The following PLCL1 variants were observed in gnomAD, a reference collection of about 807,000 sequenced individuals.
The protein encoded by PLCL1 is phospholipase C like 1 (inactive).
PLCL1 carries 41 observed loss-of-function variants against 84.4 expected under a neutral mutation model. The ratio of observed to expected loss-of-function variants is 0.49; its 90% CI spans 0.38 to 0.63. The LOEUF is 0.63. PLCL1 is among the 30% of genes least tolerant of loss of function. The pLI, the probability that PLCL1 is intolerant of heterozygous loss-of-function variation, is 0.00. For missense variants in PLCL1, 1,206 were observed against 1,367.8 expected, an observed-to-expected ratio of 0.88 and a Z score of 1.87; for synonymous variants, 490 against 488.3, an observed-to-expected ratio of 1.00 and a Z score of -0.05.
intron 1 of PLCL1, among the ~76,000 whole-genome samples, chr2:197,933,524 A>G (rs1688990862): frequency 6.6e-6 from 1 of 152,172 alleles, no homozygotes. Context: ...TAGAAAGGAA[A>G]TAACAAGATT....
At chr2:197,910,687 C>T (rs1469455156) in intron 1 of PLCL1, among the ~76,000 whole-genome samples, 2 of 152,298 alleles carry the variant, frequency 1.3e-5, no homozygotes, top group South Asian at 4.1e-4. Context: ...CCGAAAATAT[C>T]CCCTTTCCCC....
chr2:197,995,412 T>C (rs76244570), intron 1 of PLCL1, among the ~76,000 whole-genome samples: 5,250 of 152,168 alleles, frequency 0.035, 303 homozygotes, highest in African/African-American at 0.12. Context: ...AGGAGCTTGC[T>C]ATCGCCATCC....
At chr2:197,815,563 T>C (rs1448733351) in intron 1 of PLCL1, among the ~76,000 whole-genome samples, 1 of 152,174 alleles carries the variant, frequency 6.6e-6, no homozygotes, top group Non-Finnish European at 1.5e-5. Context: ...ATACATTTCA[T>C]AAGGCTATAG....
intron 5 of PLCL1, among the ~76,000 whole-genome samples, chr2:198,116,098 GA>G (rs1360081284): frequency 1.3e-5 from 2 of 150,548 alleles, no homozygotes; most frequent in Non-Finnish European, 3.0e-5. Flanking sequence ...AAAATCTAAA[GA>G]ATAATTTAGG....
At chr2:198,002,386 T>C (rs910438272) in intron 1 of PLCL1, among the ~76,000 whole-genome samples, 2 of 152,214 alleles carry the variant, frequency 1.3e-5, no homozygotes, top group African/African-American at 2.4e-5. Context: ...TACAAAGGTT[T>C]GATTTTAATA....
In PLCL1 at chr2:198,083,854, A is replaced by C; in HGVS notation, c.337A>C (p.Ser113Arg). ...AATTAGCAGTGCAAATGACTGCATC[A>C]GCTTCATGCAAGCTGGCTGTGAGTT... ...KKISSANDCI[S>R]FMQAGCELKK... The change falls in exon 2 of 6, where the codon AGC becomes CGC. Residue 113 changes from serine (S) to arginine (R), a missense_variant. By Grantham distance (110) the Ser-to-Arg change is moderately radical. Coordinates refer to ENST00000428675, the MANE Select transcript of PLCL1 (RefSeq NM_006226.4). 1 of 1,614,142 alleles carries C rather than the reference A, an allele frequency of 6.2e-7. No homozygotes were observed. The highest frequency in any genetic ancestry group is 8.5e-7 in the Non-Finnish European group (1 of 1,179,956).
At chr2:198,069,810 A>G (rs781255901) in intron 1 of PLCL1, among the ~76,000 whole-genome samples, 1 of 152,230 alleles carries the variant, frequency 6.6e-6, no homozygotes, top group African/African-American at 2.4e-5. Flanking sequence ...TGTTAAATGT[A>G]GAGTTAAGTA....
intron 1 of PLCL1, among the ~76,000 whole-genome samples, chr2:197,870,878 C>T (rs568397320): frequency 6.6e-6 from 1 of 152,152 alleles, no homozygotes; most frequent in Non-Finnish European, 1.5e-5. Flanking sequence ...AGAGACCAGG[C>T]TGCCCCTATT....
chr2:197,824,136 G>C (rs1690877943), intron 1 of PLCL1, among the ~76,000 whole-genome samples: 1 of 151,928 alleles, frequency 6.6e-6, no homozygotes, highest in Non-Finnish European at 1.5e-5. Flanking sequence ...AATATATAAT[G>C]GTTTTTTTTC....
intron 1 of PLCL1, among the ~76,000 whole-genome samples, chr2:198,067,110 C>A (rs1692340606): frequency 6.6e-6 from 1 of 151,196 alleles, no homozygotes; most frequent in Non-Finnish European, 1.5e-5. Context: ...ATACCATGTC[C>A]TCTTTTTTGT....
chr2:198,022,836 T>C (rs1451732397), intron 1 of PLCL1, among the ~76,000 whole-genome samples: 1 of 152,234 alleles, frequency 6.6e-6, no homozygotes, highest in African/African-American at 2.4e-5. Context: ...AAGTAATTTA[T>C]AGATTCAATG....
chr2:197,923,363 G>C (rs1248230070), intron 1 of PLCL1, among the ~76,000 whole-genome samples: 1 of 147,066 alleles, frequency 6.8e-6, no homozygotes, highest in East Asian at 2.2e-4. Context: ...TTCTCAGACG[G>C]GGCAGCTGCC....
At chr2:197,867,431 A>C (rs536197953) in intron 1 of PLCL1, among the ~76,000 whole-genome samples, 1 of 151,992 alleles carries the variant, frequency 6.6e-6, no homozygotes, top group South Asian at 2.1e-4. Context: ...TTGCTATTAC[A>C]TTATGGAGCA....
intron 1 of PLCL1, among the ~76,000 whole-genome samples, chr2:197,846,494 G>A (rs1374386215): frequency 6.6e-6 from 1 of 152,054 alleles, no homozygotes; most frequent in African/African-American, 2.4e-5. Flanking sequence ...TATTTTAAAA[G>A]TTAAAATTAG....
rs745351592 is a variant in PLCL1 at position 198,073,688 on chromosome 2, AT to A, written c.241-10068del. ...GATCTGTCTTATGGAAAACTCAGAG[AT>A]TGCTTTAAGGGGTTTGTTGCAAAAG... On this transcript the variant is annotated intron_variant, in intron 1 of 5. Coordinates refer to ENST00000428675, the MANE Select transcript of PLCL1 (RefSeq NM_006226.4). Among the ~76,000 whole-genome samples, 107 of 152,322 alleles carry A rather than the reference AT, an allele frequency of 7.0e-4. 1 individual carries two copies. The highest frequency in any genetic ancestry group is 9.9e-4 in the Non-Finnish European group (67 of 68,008).
intron 1 of PLCL1, among the ~76,000 whole-genome samples, chr2:197,995,168 G>A (rs1205444984): frequency 6.6e-6 from 1 of 152,124 alleles, no homozygotes; most frequent in Non-Finnish European, 1.5e-5. Flanking sequence ...CCTTCTCTGT[G>A]TTATTAATGT....
intron 1 of PLCL1, among the ~76,000 whole-genome samples, chr2:198,058,521 G>A (rs972979420): frequency 6.6e-6 from 1 of 151,650 alleles, no homozygotes; most frequent in African/African-American, 2.4e-5. Flanking sequence ...AGACTGCTTG[G>A]CTTCTGTAAA....
chr2:197,948,396 A>C (rs528192416), intron 1 of PLCL1, among the ~76,000 whole-genome samples: 1 of 152,318 alleles, frequency 6.6e-6, no homozygotes, highest in African/African-American at 2.4e-5. Context: ...GAGGGTAGAC[A>C]GTTGCCTTAC....
chr2:197,828,258 T>C (rs1690975926), intron 1 of PLCL1, among the ~76,000 whole-genome samples: 2 of 152,142 alleles, frequency 1.3e-5, no homozygotes, highest in African/African-American at 4.8e-5. Flanking sequence ...ACGGGATAAC[T>C]GTTGTCAAAT....
Sources: gnomAD v4.1 joint callset for allele counts (sites outside exome capture counted in the v4.1 genomes callset) on GRCh38, gnomAD v4.1.1 for gene constraint, MANE v1.5 for transcripts, NCBI Gene and HGNC (gene_info 2026-07-23, HGNC 2026-07-21) for gene names.